Variants in PLEKHM3 observed in about 807,000 individuals in gnomAD.
The protein encoded by PLEKHM3 is pleckstrin homology domain containing M3.
Under a neutral mutation model 81.8 loss-of-function variants are expected in PLEKHM3, and 45 were observed. That is an observed-to-expected ratio of 0.55 (90% CI 0.43 to 0.71). The LOEUF (loss-of-function observed/expected upper bound fraction) is 0.71. Among genes scored for constraint, PLEKHM3 ranks in the 30% least tolerant of loss-of-function variants. The pLI is 0.00. For missense variants in PLEKHM3, 788 were observed against 924.3 expected, an observed-to-expected ratio of 0.85 and a Z score of 1.91; for synonymous variants, 352 against 356.4, an observed-to-expected ratio of 0.99 and a Z score of 0.14.
chr2:207,971,448 A>C (rs1023591230), intron 3 of PLEKHM3, among the ~76,000 whole-genome samples: 1 of 152,092 alleles, frequency 6.6e-6, no homozygotes, highest in African/African-American at 2.4e-5. Flanking sequence ...GAAATGATAA[A>C]TGTTTGAGAT....
At chr2:207,875,602 G>T (rs1363650014) in intron 6 of PLEKHM3, among the ~76,000 whole-genome samples, 1 of 152,184 alleles carries the variant, frequency 6.6e-6, no homozygotes, top group Non-Finnish European at 1.5e-5. Flanking sequence ...GAAATGTGGA[G>T]GGTGTTCACT....
chr2:207,908,395 A>T, intron 6 of PLEKHM3, 119 bp downstream of exon 6: 1 of 918,258 alleles, frequency 1.1e-6, no homozygotes, highest in East Asian at 2.6e-5. Flanking sequence ...AAAAAGAATT[A>T]TCAGGGTTTC....
intron 3 of PLEKHM3, among the ~76,000 whole-genome samples, chr2:207,947,777 C>A (rs1343326702): frequency 6.6e-6 from 1 of 152,114 alleles, no homozygotes; most frequent in Non-Finnish European, 1.5e-5. Context: ...GTGTTGTAAC[C>A]CTTTCCATTA....
chr2:207,863,555 T>C (rs1438130805), intron 6 of PLEKHM3, among the ~76,000 whole-genome samples: 1 of 152,246 alleles, frequency 6.6e-6, no homozygotes, highest in African/African-American at 2.4e-5. Context: ...ACTAAGGCAC[T>C]AGCTTCGGAA....
At chr2:207,848,262 C>G (rs2105895096) in intron 7 of PLEKHM3, among the ~76,000 whole-genome samples, 1 of 152,316 alleles carries the variant, frequency 6.6e-6, no homozygotes, top group Middle Eastern at 3.4e-3. Flanking sequence ...TTTGCCTAAA[C>G]ACTTAACATG....
At position 207,824,146 on chromosome 2, in the gene PLEKHM3, G is replaced by A. The variant is rs1184133970; in HGVS notation, c.*4173C>T. The A allele has an allele frequency of 6.6e-6, 1 of 152,174 alleles. No homozygotes were observed. The highest frequency in any genetic ancestry group is 2.4e-5 in the African/African-American group (1 of 41,426). 9.4% of individuals were successfully genotyped at this position (152,174 alleles called of 1,614,324 possible). A position where few individuals can be genotyped will look rare whatever the true frequency, so the allele number is the denominator to read the frequency against. Reference sequence around the variant, plus strand: ...GCCCATCACTAACAAGTGACACGGAGGCAGGGGAAACAGAGAGTGCCGCTA... The same window carrying A: ...GCCCATCACTAACAAGTGACACGGAAGCAGGGGAAACAGAGAGTGCCGCTA... On this transcript the variant is annotated 3_prime_UTR_variant, in exon 8 of 8. Transcript: ENST00000427836.
chr2:207,888,531 G>C (rs1687954091), intron 6 of PLEKHM3, among the ~76,000 whole-genome samples: 1 of 152,000 alleles, frequency 6.6e-6, no homozygotes, highest in African/African-American at 2.4e-5. Context: ...CGAGTAGCTG[G>C]GATTACAGGC....
At chr2:208,008,803 T>C (rs1692593297) in intron 1 of PLEKHM3, among the ~76,000 whole-genome samples, 1 of 152,308 alleles carries the variant, frequency 6.6e-6, no homozygotes, top group Middle Eastern at 3.4e-3. Context: ...CCTGGTCAAA[T>C]AGGGGTGTTG....
At position 207,896,695 on chromosome 2, in the gene PLEKHM3, C is replaced by G. The variant is rs373757636; in HGVS notation, c.1950+11819G>C. 2.0e-5 allele frequency among the ~76,000 whole-genome samples: 3 copies of G among 152,188 alleles called. No homozygotes were observed. The East Asian group carries it at 5.8e-4, about 29-fold the overall frequency. ...AATTACATTCACAGCAGGGCCTCTC[C>G]CCTACTGCAAGGGAAGAATGTACTG... On this transcript the variant is annotated intron_variant, in intron 6 of 7. Transcript: ENST00000427836.
intron 4 of PLEKHM3, among the ~76,000 whole-genome samples, chr2:207,935,368 T>G (rs1483680612): frequency 6.6e-6 from 1 of 151,994 alleles, no homozygotes; most frequent in Non-Finnish European, 1.5e-5. Flanking sequence ...GGTGGGAGTG[T>G]GGGAGATAAG....
At chr2:207,968,733 A>G (rs938893811) in intron 3 of PLEKHM3, among the ~76,000 whole-genome samples, 1 of 152,240 alleles carries the variant, frequency 6.6e-6, no homozygotes, top group Non-Finnish European at 1.5e-5. Flanking sequence ...AGTTATATTC[A>G]AAGTTGGAAA....
chr2:208,007,025 G>A (rs1489360985), intron 1 of PLEKHM3, among the ~76,000 whole-genome samples: 1 of 152,160 alleles, frequency 6.6e-6, no homozygotes, highest in East Asian at 1.9e-4. Context: ...ATTCTACCCT[G>A]ACTCACACAG....
chr2:207,911,273 T>G (rs1188702119), intron 5 of PLEKHM3, among the ~76,000 whole-genome samples: 1 of 152,226 alleles, frequency 6.6e-6, no homozygotes, highest in African/African-American at 2.4e-5. Context: ...TTTGGTAGTC[T>G]GCAATTTTCT....
chr2:207,896,241 T>A (rs1347846089), intron 6 of PLEKHM3, among the ~76,000 whole-genome samples: 1 of 152,194 alleles, frequency 6.6e-6, no homozygotes, highest in African/African-American at 2.4e-5. Context: ...ATTCGAGAAG[T>A]AAAGTAATAC....
intron 6 of PLEKHM3, among the ~76,000 whole-genome samples, chr2:207,871,245 T>G (rs536887435): frequency 2.8e-4 from 42 of 152,356 alleles, no homozygotes; most frequent in African/African-American, 9.9e-4. Context: ...TACATAAACA[T>G]AGAAGTGTCT....
In PLEKHM3 at chr2:207,828,259, G is replaced by A; in HGVS notation, c.*60C>T. The stretch of plus-strand genomic sequence containing the variant: ...AGGGGTCTAACTGGCTAGTTAGGAG[G>A]CCGCTCTGGGGCTGATGGATTGTTG... On this transcript the variant is annotated 3_prime_UTR_variant, in exon 8 of 8. Coordinates refer to ENST00000427836, the MANE Select transcript of PLEKHM3 (RefSeq NM_001080475.3). The A allele has an allele frequency of 6.5e-7, 1 of 1,547,152 alleles. No individual in the cohort carries two copies. The highest frequency in any genetic ancestry group is 8.7e-7 in the Non-Finnish European group (1 of 1,145,106).
chr2:208,016,668 A>AAACACACACACACACACAC (rs1553568085), intron 1 of PLEKHM3, among the ~76,000 whole-genome samples: 12 of 61,552 alleles, frequency 1.9e-4, no homozygotes, highest in Non-Finnish European at 3.9e-4. Context: ...AAAAAAAAAA[A>AAACACACACACACACACAC]ATACACACAC....
intron 2 of PLEKHM3, among the ~76,000 whole-genome samples, chr2:207,986,748 G>A (rs2106058057): frequency 6.6e-6 from 1 of 151,744 alleles, no homozygotes; most frequent in South Asian, 2.1e-4. Context: ...ATGGCTCACG[G>A]CAGCATCAAC....
At chr2:207,906,222 A>G (rs1688603647) in intron 6 of PLEKHM3, among the ~76,000 whole-genome samples, 1 of 152,240 alleles carries the variant, frequency 6.6e-6, no homozygotes, top group Non-Finnish European at 1.5e-5. Flanking sequence ...ACGATCAGGT[A>G]GACTTCAGAA....
Sources: gnomAD v4.1 joint callset for allele counts (sites outside exome capture counted in the v4.1 genomes callset) on GRCh38, gnomAD v4.1.1 for gene constraint, MANE v1.5 for transcripts, NCBI Gene and HGNC (gene_info 2026-07-23, HGNC 2026-07-21) for gene names.